The following ZFYVE26 variants were observed in gnomAD, a reference collection of about 807,000 sequenced individuals.
ZFYVE26 encodes zinc finger FYVE-type containing 26, also known as zinc finger FYVE domain-containing protein 26.
ZFYVE26 carries 181 observed loss-of-function variants against 276.5 expected under a neutral mutation model. The ratio of observed to expected loss-of-function variants is 0.65; its 90% CI spans 0.58 to 0.74. The LOEUF is 0.74. Ranked by LOEUF, ZFYVE26 falls within the 30% of genes least tolerant of loss-of-function variation. ZFYVE26 has a pLI of 0.00. For synonymous variants in ZFYVE26, 1,129 were observed against 1,203.1 expected, an observed-to-expected ratio of 0.94 and a Z score of 1.27; for missense variants, 2,821 against 3,097.9, an observed-to-expected ratio of 0.91 and a Z score of 2.12.
At chr14:67,733,133 T>TA (rs11333041) in intron 13 of ZFYVE26, among the ~76,000 whole-genome samples, 188 of 150,968 alleles carry the variant, frequency 1.2e-3, no homozygotes, top group Middle Eastern at 3.4e-3. Flanking sequence ...ATAATAAAAT[T>TA]AAAAAAAACA....
At chr14:67,764,915 T>C (rs959915687) in intron 32 of ZFYVE26, among the ~76,000 whole-genome samples, 3 of 152,184 alleles carry the variant, frequency 2.0e-5, no homozygotes, top group Admixed American at 2.0e-4. Context: ...GTTTGTTTTC[T>C]CCCCAATCTA....
rs1185111099 is a variant in ZFYVE26, at chr14:67,762,363, C to T, written c.6209G>A (p.Gly2070Asp). The change falls in exon 34 of 42, where the codon GGC becomes GAC. Residue 2070 changes from glycine (G) to aspartate (D), a missense_variant. Physicochemically the swap from Gly to Asp is moderately conservative, Grantham distance 94 (BLOSUM62 -1). Coordinates refer to ENST00000347230, the MANE Select transcript of ZFYVE26 (RefSeq NM_015346.4). ...GTTCCCGGCTTTGAGGCAGGCCATG[C>T]CCCAAGCATGCCACGCCCCGGTGGT... Reference protein sequence around the residue: ...LDTTGAWHAWGMACLKAGNLT... With the variant: ...LDTTGAWHAWDMACLKAGNLT... 1.9e-6 allele frequency: 3 copies of T among 1,614,074 alleles called. No homozygotes were observed. The highest frequency in any genetic ancestry group is 2.7e-5 in the African/African-American group (2 of 74,938).
In ZFYVE26 at chr14:67,778,633, T is replaced by C. The variant is rs527806571; in HGVS notation, c.4675-385A>G. 7.9e-5 allele frequency among the ~76,000 whole-genome samples: 12 copies of C among 152,322 alleles called. No individual in the cohort carries two copies. The South Asian group carries it at 2.5e-3, about 32-fold the overall frequency. ...TTTAAAATTTTGGCAATAAAGTCAA[T>C]ATGAAAAAATAAAAATTCTGTAGAC... On this transcript the variant is annotated intron_variant, in intron 23 of 41. Transcript: ENST00000347230.
At chr14:67,751,155 G>A (rs962618632) in intron 40 of ZFYVE26, 59 bp from the exon 41 acceptor site, 77 of 1,598,498 alleles carry the variant, frequency 4.8e-5, no homozygotes, top group Middle Eastern at 1.7e-4. Context: ...CTGGGAGCCA[G>A]GGCCCAACCC....
intron 39 of ZFYVE26, among the ~76,000 whole-genome samples, chr14:67,753,132 A>G (rs1027642775): frequency 9.2e-5 from 14 of 152,120 alleles, no homozygotes; most frequent in African/African-American, 2.9e-4. Context: ...ACACACTCAC[A>G]ATGCATAAAT....
At chr14:67,766,167 A>T (rs139009521) in intron 32 of ZFYVE26, 60 bp downstream of exon 32, 33 of 1,549,908 alleles carry the variant, frequency 2.1e-5, no homozygotes, top group Non-Finnish European at 2.8e-5. Flanking sequence ...GTGGGGTCAG[A>T]AAAAGAAGCT....
chr14:67,798,124 T>C lies in ZFYVE26; in HGVS notation c.2138A>G (p.Gln713Arg), dbSNP rs1166498254. Reference protein sequence around the residue: ...SPPEKPKQESQSCSGSRDGLQ... With the variant: ...SPPEKPKQESRSCSGSRDGLQ... The stretch of plus-strand genomic sequence containing the variant: ...TCCATCTCTGCTTCCTGAGCAGCTC[T>C]GACTTTCTTGCTTTGGCTTCTCAGG... Residue 713 changes from glutamine to arginine, a missense_variant, in exon 11 of 42, where the codon CAG (glutamine) becomes CGG (arginine). Coordinates refer to ENST00000347230, the MANE Select transcript of ZFYVE26 (RefSeq NM_015346.4). 3 of 1,614,062 alleles carry C rather than the reference T, an allele frequency of 1.9e-6. No homozygotes were observed. The highest frequency in any genetic ancestry group is 2.5e-6 in the Non-Finnish European group (3 of 1,180,012).
intron 13 of ZFYVE26, among the ~76,000 whole-genome samples, chr14:67,730,893 C>T (rs903799933): frequency 4.6e-5 from 7 of 151,942 alleles, no homozygotes; most frequent in East Asian, 3.9e-4. Context: ...CGTGAGCCAC[C>T]GCGCCCAGCC....
intron 11 of ZFYVE26, 63 bp downstream of exon 11, chr14:67,797,951 C>T: frequency 6.2e-7 from 1 of 1,611,792 alleles, no homozygotes; most frequent in South Asian, 1.1e-5. Context: ...AGCTCTCTCC[C>T]ATATTCCTGG....
rs760165004 is a variant in ZFYVE26, at chr14:67,786,118, T to C, written c.3135A>G (p.Lys1045=). ...NYLLMSASQT[K]SESVEEKGGG... is the part of the protein sequence containing the mutation. ...AAAGAGAAAAAAGCAACTCACCTGA[T>C]TTGGTTTGACTGGCTGACATAAGCA... Residue 1045 remains lysine, a synonymous_variant, in exon 17 of 42, where the codon AAA becomes AAG. Coordinates refer to ENST00000347230, the MANE Select transcript of ZFYVE26 (RefSeq NM_015346.4). 6.2e-7 allele frequency: 1 copy of C among 1,614,116 alleles called. No homozygotes were observed. The highest frequency in any genetic ancestry group is 8.5e-7 in the Non-Finnish European group (1 of 1,180,008).
At position 67,816,047 on chromosome 14, in the gene ZFYVE26, C is replaced by T. The variant is rs1213463505; in HGVS notation, c.-83-1G>A. 1 of 1,123,526 alleles carries T rather than the reference C, an allele frequency of 8.9e-7. No homozygotes were observed. The highest frequency in any genetic ancestry group is 1.3e-6 in the Non-Finnish European group (1 of 788,222). The allele number at this position is 1,123,526 out of a possible 1,614,324, so 69.6% of individuals were successfully genotyped here. ...AATGTTCTCATTCGCGGAGTACCTC[C>T]TAGAAACAACACAACGCCAGTGAGA... On this transcript the variant is annotated splice_acceptor_variant, in intron 1 of 41. Transcript: ENST00000347230. LOFTEE classifies it low-confidence loss of function (5UTR_SPLICE).
At position 67,750,949 on chromosome 14, in the gene ZFYVE26, G is replaced by A. The variant is rs373424767; in HGVS notation, c.7416+103C>T. The A allele has an allele frequency of 4.3e-6, 6 of 1,399,190 alleles. No homozygotes were observed. The Admixed American group carries it at 5.0e-5, about 12-fold the overall frequency. The allele number at this position is 1,399,190 out of a possible 1,614,324, so 86.7% of individuals were successfully genotyped here. Reference sequence around the variant, plus strand: ...TCTGATAATACAGAAGCTGAGATACGGGTTGTATGGAACTATTGTGGGGAG... The same window carrying A: ...TCTGATAATACAGAAGCTGAGATACAGGTTGTATGGAACTATTGTGGGGAG... On this transcript the variant is annotated intron_variant, in intron 41 of 41. Transcript: ENST00000347230.
chr14:67,755,445 T>G (rs2038753277), intron 36 of ZFYVE26, among the ~76,000 whole-genome samples, 195 bp from the exon 37 acceptor site: 1 of 152,104 alleles, frequency 6.6e-6, no homozygotes, highest in African/African-American at 2.4e-5. Context: ...CTGGTGGAGC[T>G]CTTGGGTAGG....
chr14:67,777,728 C>T lies in ZFYVE26; in HGVS notation c.4805G>A (p.Arg1602Gln), dbSNP rs769331617. ...RDHDKALQLL[R>Q]RIPDPTMCLE... ...GCACATGGTGGGGTCAGGGATTCTT[C>T]GCAGGAGCTATTGTCAAAGGGTAGA... The change falls in exon 25 of 42, where the codon CGA (arginine) becomes CAA (glutamine). Residue 1602 changes from arginine (R) to glutamine (Q), a missense_variant. Transcript: ENST00000347230. 55 of 1,613,992 alleles carry T rather than the reference C, an allele frequency of 3.4e-5. No homozygotes were observed. The highest frequency in any genetic ancestry group is 6.6e-5 in the South Asian group (6 of 91,076).
Position 67,802,104 on chromosome 14 carries a change from T to G in ZFYVE26, c.1614A>C (p.Pro538=), listed in dbSNP as rs2140246664. 6.2e-7 allele frequency: 1 copy of G among 1,613,470 alleles called. No individual in the cohort carries two copies. Among genetic ancestry groups the G allele is most frequent in the East Asian group, 2.2e-5 (1 of 44,888 alleles). ...CTGGGGAGGAGAGAGAGTCATTCGCTGGCTCTGTAGCTGAGGCCAGGTCCT... is the reference window on the plus strand; with the variant it reads ...CTGGGGAGGAGAGAGAGTCATTCGCGGGCTCTGTAGCTGAGGCCAGGTCCT... ...LSEDLASATE[P]ANDSLSSPGA... is the part of the protein sequence containing the mutation. Residue 538 remains proline, a synonymous_variant, in exon 10 of 42, where the codon CCA becomes CCC. Coordinates refer to ENST00000347230, the MANE Select transcript of ZFYVE26 (RefSeq NM_015346.4).
At chr14:67,788,050 C>T (rs2039701328) in intron 16 of ZFYVE26, among the ~76,000 whole-genome samples, 1 of 151,786 alleles carries the variant, frequency 6.6e-6, no homozygotes, top group Non-Finnish European at 1.5e-5. Flanking sequence ...CTGGAATTTG[C>T]TACATGTTAA....
At chr14:67,773,349 G>A (rs1355938799) in intron 27 of ZFYVE26, among the ~76,000 whole-genome samples, 4 of 151,938 alleles carry the variant, frequency 2.6e-5, no homozygotes, top group Admixed American at 6.6e-5. Flanking sequence ...TCAAGAGTTC[G>A]AGACCAGCCT....
intron 41 of ZFYVE26, 88 bp from the exon 42 acceptor site, chr14:67,748,727 A>ATGGTGTCTGTCT: frequency 2.9e-6 from 4 of 1,398,830 alleles, no homozygotes; most frequent in Non-Finnish European, 4.0e-6. Flanking sequence ...TCGGGCAGAC[A>ATGGTGTCTGTCT]GACACCATGT....
chr14:67,811,428 A>G (rs916501290), intron 3 of ZFYVE26, among the ~76,000 whole-genome samples: 1 of 152,218 alleles, frequency 6.6e-6, no homozygotes, highest in Admixed American at 6.5e-5. Flanking sequence ...TGGCAAAATT[A>G]TAGACATCTT....
Sources: allele counts gnomAD v4.1 joint callset (sites outside exome capture counted in the v4.1 genomes callset), GRCh38; gene constraint gnomAD v4.1.1; transcripts MANE v1.5; gene names NCBI Gene and HGNC (gene_info 2026-07-23, HGNC 2026-07-21).